SLC9A8: variants seen among roughly 807,000 people sequenced by gnomAD.
The protein encoded by SLC9A8 is solute carrier family 9 member A8.
SLC9A8 carries 48 observed loss-of-function variants against 66.6 expected under a neutral mutation model. The ratio of observed to expected loss-of-function variants is 0.72; its 90% CI spans 0.57 to 0.92. The LOEUF is 0.92. Ranked by LOEUF, SLC9A8 falls within the 40% of genes least tolerant of loss-of-function variation. The pLI is 0.00. For missense variants in SLC9A8, 599 were observed against 747.3 expected, an observed-to-expected ratio of 0.80 and a Z score of 2.31; for synonymous variants, 274 against 282.6, an observed-to-expected ratio of 0.97 and a Z score of 0.31.
Position 49,886,764 on chromosome 20 carries a change from G to C in SLC9A8, c.1504G>C (p.Glu502Gln). The part of the protein sequence containing the change: ...SKTEKMGNTV[E>Q]SEHLSELTEE... ...CCTCCCTGCTCAGGGCAACACTGTG[G>C]AGTCGGAGCACCTGTCGGAGCTCAC... Residue 502 changes from glutamate to glutamine, a missense_variant, in exon 15 of 16, where the codon GAG becomes CAG. Around this residue, in one of 2 missense-constraint regions of SLC9A8, gnomAD observed 467 missense variants for 626.5 expected, o/e 0.75. Coordinates refer to ENST00000361573, the MANE Select transcript of SLC9A8 (RefSeq NM_015266.3). This position sits in a 1 kb window ranked among gnomAD's most constrained non-coding sequence, Gnocchi z 4.8. The C allele has an allele frequency of 6.2e-7, 1 of 1,614,084 alleles. No homozygotes were observed. Among genetic ancestry groups the C allele is most frequent in the Middle Eastern group, 1.6e-4 (1 of 6,062 alleles).
At chr20:49,828,502 C>G (rs1211488395) in intron 3 of SLC9A8, among the ~76,000 whole-genome samples, 1 of 150,140 alleles carries the variant, frequency 6.7e-6, no homozygotes, top group Non-Finnish European at 1.5e-5. Context: ...GAATTACAGC[C>G]GTGAGCCACT....
At chr20:49,813,569 G>A (rs2086438291) in intron 1 of SLC9A8, among the ~76,000 whole-genome samples, 1 of 152,204 alleles carries the variant, frequency 6.6e-6, no homozygotes, top group African/African-American at 2.4e-5. Flanking sequence ...CGCTAAGCAT[G>A]TGGGAGTTAT....
intron 3 of SLC9A8, among the ~76,000 whole-genome samples, chr20:49,835,486 A>G (rs1600683276): frequency 1.3e-5 from 2 of 152,198 alleles, no homozygotes; most frequent in South Asian, 2.1e-4. Flanking sequence ...AAAGAAACTC[A>G]TACCCATTAG....
At chr20:49,819,330 G>T (rs921953293) in intron 2 of SLC9A8, among the ~76,000 whole-genome samples, 1 of 152,118 alleles carries the variant, frequency 6.6e-6, no homozygotes. Flanking sequence ...TTTCTTGCTC[G>T]GTTTTTTTCC....
At chr20:49,828,072 AATT>A (rs74643366) in intron 3 of SLC9A8, among the ~76,000 whole-genome samples, 3 of 143,078 alleles carry the variant, frequency 2.1e-5, no homozygotes, top group Admixed American at 7.0e-5. Flanking sequence ...ACCAAAAAAA[AATT>A]TTTTTTTTTT....
In SLC9A8 at chr20:49,839,524, T is replaced by C. The variant is rs374894186; in HGVS notation, c.290-17T>C. 10 of 1,461,204 alleles carry C rather than the reference T, an allele frequency of 6.8e-6. No homozygotes were observed. Among genetic ancestry groups the C allele is most frequent in the Non-Finnish European group, 9.5e-6 (10 of 1,050,922 alleles). The allele number at this position is 1,461,204 out of a possible 1,614,324, so 90.5% of individuals were successfully genotyped here. A position where few individuals can be genotyped will look rare whatever the true frequency, so the allele number is the denominator to read the frequency against. On this transcript the variant is annotated splice_polypyrimidine_tract_variant and intron_variant, in intron 3 of 15. Transcript: ENST00000361573. ...CATATCTTAAATTTATGTTAAAGTT[T>C]ACATTTTCTCTTGTAGGTATTCTCA...
chr20:49,839,682 G>T, intron 4 of SLC9A8, 83 bp downstream of exon 4: 1 of 832,422 alleles, frequency 1.2e-6, no homozygotes, highest in Non-Finnish European at 1.9e-6. Context: ...GCTATCAGTG[G>T]AGTTATTTAT....
intron 8 of SLC9A8, among the ~76,000 whole-genome samples, chr20:49,858,565 A>G (rs1600741118): frequency 1.3e-5 from 2 of 151,808 alleles, no homozygotes; most frequent in Admixed American, 1.3e-4. Flanking sequence ...AGTTGTCTCT[A>G]TTATAAAAGC....
intron 1 of SLC9A8, among the ~76,000 whole-genome samples, chr20:49,814,056 CTT>C: frequency 6.6e-6 from 1 of 152,256 alleles, no homozygotes; most frequent in Non-Finnish European, 1.5e-5. Context: ...CACCTGATAA[CTT>C]TTCAAATATA....
At chr20:49,853,072 T>C (rs2088317048) in intron 7 of SLC9A8, among the ~76,000 whole-genome samples, 2 of 152,188 alleles carry the variant, frequency 1.3e-5, no homozygotes, top group Non-Finnish European at 1.5e-5. Context: ...AGGTGAAGCA[T>C]TGTGAAGTGA....
At chr20:49,816,565 C>A (rs991248894) in intron 2 of SLC9A8, among the ~76,000 whole-genome samples, 4 of 151,996 alleles carry the variant, frequency 2.6e-5, no homozygotes, top group Non-Finnish European at 2.9e-5. Context: ...TTACCAGATA[C>A]CAGTCGAGAG....
chr20:49,843,820 G>A (rs941135333), intron 4 of SLC9A8, among the ~76,000 whole-genome samples: 1 of 152,154 alleles, frequency 6.6e-6, no homozygotes, highest in Non-Finnish European at 1.5e-5. Context: ...TTCCAGTGTT[G>A]GAAGTGTTTG....
intron 3 of SLC9A8, among the ~76,000 whole-genome samples, chr20:49,832,828 G>T (rs1352104429): frequency 6.6e-6 from 1 of 152,086 alleles, no homozygotes; most frequent in African/African-American, 2.4e-5. Flanking sequence ...AGTCAGTGTT[G>T]TCTTAATATT....
In SLC9A8 at chr20:49,834,398, ATACT is replaced by A. The variant is rs2087413285; in HGVS notation, c.290-5142_290-5139del. Among the ~76,000 whole-genome samples the A allele has an allele frequency of 7.3e-5, 5 of 68,848 alleles. 1 individual carries two copies. Among genetic ancestry groups the A allele is most frequent in the Admixed American group, 2.9e-4 (2 of 6,928 alleles). 45.2% of individuals were successfully genotyped at this position (68,848 alleles called of 152,430 possible). ...ATATATATATACTGTGTATATATAT[ATACT>A]GTGTATATATATATACTGTATATAT... On this transcript the variant is annotated intron_variant, in intron 3 of 15. Transcript: ENST00000361573.
At chr20:49,882,338 C>G (rs892226629) in intron 13 of SLC9A8, among the ~76,000 whole-genome samples, 2 of 152,340 alleles carry the variant, frequency 1.3e-5, no homozygotes, top group Admixed American at 6.5e-5. Context: ...CGTCCGCCCC[C>G]GTCCTAGCCT....
At position 49,884,029 on chromosome 20, in the gene SLC9A8, A is replaced by G; in HGVS notation, c.1454A>G (p.Asn485Ser). 1 of 1,613,720 alleles carries G rather than the reference A, an allele frequency of 6.2e-7. No homozygotes were observed. Among genetic ancestry groups the G allele is most frequent in the East Asian group, 2.2e-5 (1 of 44,862 alleles). ...DIEDAKAHRRNKKDVNLSKTE... is the reference protein window; with the variant it reads ...DIEDAKAHRRSKKDVNLSKTE... ...GAGGACGCCAAGGCACACCGCAGGA[A>G]CAAGAAGGACGTCAACCTCAGCAAG... is the stretch of plus-strand genomic sequence containing the variant. Residue 485 changes from asparagine (N) to serine (S), a missense_variant, in exon 14 of 16, where the codon AAC (asparagine) becomes AGC (serine). Asn to Ser is a conservative substitution (Grantham distance 46). This residue lies in a region of SLC9A8 where 467 missense variants were observed against 626.5 expected (regional missense o/e 0.75). Transcript: ENST00000361573.
At chr20:49,878,202 TG>T in intron 12 of SLC9A8, 139 bp downstream of exon 12, 2 of 503,596 alleles carry the variant, frequency 4.0e-6, no homozygotes, top group East Asian at 3.3e-5. Context: ...AAGTTTCTTT[TG>T]TTAAAAAAAA....
At chr20:49,823,267 AACCT>A (rs2086806605) in intron 3 of SLC9A8, 126 bp downstream of exon 3, 3 of 772,558 alleles carry the variant, frequency 3.9e-6, no homozygotes, top group Non-Finnish European at 6.8e-6. Context: ...TCCTCACTGC[AACCT>A]GCCCTAAGGG....
At chr20:49,851,683 T>G (rs2088259146) in intron 7 of SLC9A8, among the ~76,000 whole-genome samples, 1 of 152,086 alleles carries the variant, frequency 6.6e-6, no homozygotes, top group Non-Finnish European at 1.5e-5. Context: ...TGATAACAAA[T>G]CCAATTCTAT....
Sources: gnomAD v4.1 joint callset for allele counts (sites outside exome capture counted in the v4.1 genomes callset) on GRCh38, gnomAD v4.1.1 for gene constraint, gnomAD v4.1.1 regional missense constraint, Gnocchi (gnomAD v3.1) non-coding constraint, MANE v1.5 for transcripts, NCBI Gene and HGNC (gene_info 2026-07-23, HGNC 2026-07-21) for gene names.